Variants in KATNIP observed in about 807,000 individuals in gnomAD.
The protein encoded by KATNIP is katanin-interacting protein.
A neutral mutation model predicts 174.0 loss-of-function variants in KATNIP; 126 were observed. The ratio of observed to expected loss-of-function variants is 0.72; its 90% CI spans 0.63 to 0.84. KATNIP has a LOEUF of 0.84. KATNIP is among the 40% of genes least tolerant of loss of function. KATNIP has a pLI of 0.00. For missense variants in KATNIP, 1,958 were observed against 2,109.7 expected (o/e 0.93, Z 1.41); for synonymous variants, 810 against 835.7 (o/e 0.97, Z 0.53).
At chr16:27,755,244 C>G (rs2081674005) in intron 18 of KATNIP, 1 of 152,376 alleles carries the variant, frequency 6.6e-6, no homozygotes, top group Admixed American at 6.5e-5. Context: ...GGTGTCAGCC[C>G]TTCCGGGACC....
rs761854517 is a variant in KATNIP, at chr16:27,750,120, C to T, written c.3160C>T (p.Arg1054Trp). 20 of 1,614,016 alleles carry T rather than the reference C, an allele frequency of 1.2e-5. No homozygotes were observed. The East Asian group carries it at 3.8e-4, about 31-fold the overall frequency. ...GCATGTCTGGCTGGCCCCCTTCACG[C>T]GGGGCAGATCCCACTCCATCACCAT... Reference protein sequence around the residue: ...DMHVWLAPFTRGRSHSITIDF... With the variant: ...DMHVWLAPFTWGRSHSITIDF... The change falls in exon 16 of 28, where the codon CGG (arginine) becomes TGG (tryptophan). Residue 1054 changes from arginine to tryptophan, a missense_variant. This residue lies in a region of KATNIP where 1,557 missense variants were observed against 1,617.8 expected (regional missense o/e 0.96). Coordinates refer to ENST00000261588, the MANE Select transcript of KATNIP (RefSeq NM_015202.5).
intron 19 of KATNIP, 120 bp downstream of exon 19, chr16:27,761,710 C>G: frequency 1.1e-6 from 1 of 896,640 alleles, no homozygotes; most frequent in Non-Finnish European, 1.8e-6. Context: ...CCTGGCCACC[C>G]TGTGAGGTAA....
chr16:27,631,428 C>T (rs140382985), intron 5 of KATNIP, among the ~76,000 whole-genome samples: 205 of 152,082 alleles, frequency 1.3e-3, no homozygotes, highest in African/African-American at 4.4e-3. Flanking sequence ...ACCTCTAGTC[C>T]CAGCTACTCA....
chr16:27,751,591 A>T, intron 16 of KATNIP, 128 bp from the exon 17 acceptor site: 1 of 785,014 alleles, frequency 1.3e-6, no homozygotes, highest in Non-Finnish European at 2.1e-6. Context: ...AATAAGGCTC[A>T]CACTAATCAA....
At chr16:27,675,392 C>A (rs2078077500) in intron 6 of KATNIP, among the ~76,000 whole-genome samples, 2 of 152,160 alleles carry the variant, frequency 1.3e-5, no homozygotes, top group Admixed American at 6.5e-5. Flanking sequence ...ACAGTTCAAG[C>A]TGAGATTTGG....
In KATNIP at chr16:27,740,298, G is replaced by A. The variant is rs200305561; in HGVS notation, c.2001G>A (p.Ala667=). 1.1e-5 allele frequency: 18 copies of A among 1,614,244 alleles called. No homozygotes were observed. The highest frequency in any genetic ancestry group is 5.3e-5 in the African/African-American group (4 of 75,076). ...GCTCACCGCCAGCTGAAACATTAGC[G>A]GATGCAAAGCTTTCTTCACAAGGAA... ...LGCSPPAETL[A]DAKLSSQGNV... is the part of the protein sequence containing the mutation. Residue 667 remains alanine (A), a synonymous_variant, in exon 15 of 28, where the codon GCG becomes GCA. Coordinates refer to ENST00000261588, the MANE Select transcript of KATNIP (RefSeq NM_015202.5).
At position 27,762,704 on chromosome 16, in the gene KATNIP, A is replaced by G. The variant is rs145987834; in HGVS notation, c.3809+1114A>G. The stretch of plus-strand genomic sequence containing the variant: ...GTGGCAGGCTTCTCCCTGCTTTTCT[A>G]TAAGGTGGCCCTGAACCGTGGCCTC... On this transcript the variant is annotated intron_variant, in intron 19 of 27. Transcript: ENST00000261588. 1.5e-3 allele frequency among the ~76,000 whole-genome samples: 231 copies of G among 152,254 alleles called. 1 individual carries two copies. Among genetic ancestry groups the G allele is most frequent in the Admixed American group, 2.6e-3 (40 of 15,298 alleles).
In KATNIP at chr16:27,776,252, C is replaced by T. The variant is rs148178648; in HGVS notation, c.4450-676C>T. ...CTGGGGACCAGGGCCTGGGGCAGGA[C>T]TGAGCCTGCAGTCTGTGGCCAGTGT... On this transcript the variant is annotated intron_variant, in intron 24 of 27. Transcript: ENST00000261588. The surrounding 1 kb of genome is among the most constrained non-coding windows in gnomAD (Gnocchi z 4.7). Among the ~76,000 whole-genome samples the T allele has an allele frequency of 6.6e-6, 1 of 152,276 alleles. No homozygotes were observed. Among genetic ancestry groups the T allele is most frequent in the African/African-American group, 2.4e-5 (1 of 41,556 alleles).
intron 2 of KATNIP, among the ~76,000 whole-genome samples, chr16:27,575,803 C>T (rs575220410): frequency 2.0e-5 from 3 of 152,292 alleles, no homozygotes; most frequent in South Asian, 2.1e-4. Flanking sequence ...GAGGGCTGGA[C>T]GAAGCCTTAG....
At chr16:27,639,117 G>A (rs139613204) in intron 5 of KATNIP, among the ~76,000 whole-genome samples, 2 of 152,296 alleles carry the variant, frequency 1.3e-5, no homozygotes, top group African/African-American at 4.8e-5. Flanking sequence ...GACAGGAGGG[G>A]CTGCGTCAGG....
At chr16:27,734,461 G>A (rs1172926795) in intron 14 of KATNIP, among the ~76,000 whole-genome samples, 1 of 151,726 alleles carries the variant, frequency 6.6e-6, no homozygotes. Context: ...CACTTTGGGA[G>A]GGCGAGGTGG....
intron 5 of KATNIP, among the ~76,000 whole-genome samples, chr16:27,639,144 TC>T (rs2076724656): frequency 1.3e-5 from 2 of 152,182 alleles, no homozygotes; most frequent in African/African-American, 2.4e-5. Flanking sequence ...GGCCTCCAGA[TC>T]CCTTGACCAG....
chr16:27,724,454 C>T (rs191348044), intron 14 of KATNIP, among the ~76,000 whole-genome samples: 1 of 152,342 alleles, frequency 6.6e-6, no homozygotes, highest in Non-Finnish European at 1.5e-5. Flanking sequence ...CTTCTTTAAC[C>T]TATGCTCAGC....
intron 3 of KATNIP, among the ~76,000 whole-genome samples, chr16:27,622,537 G>A (rs1034341034): frequency 6.6e-6 from 1 of 152,292 alleles, no homozygotes; most frequent in African/African-American, 2.4e-5. Flanking sequence ...ATCTGAAGAG[G>A]TGACAGCAGA....
chr16:27,728,148 C>T lies in KATNIP; in HGVS notation c.1743+6453C>T, dbSNP rs113262159. ...GCAGGGTCTGGGCGCTGTGGGGGCC[C>T]GGGAAGTATGACGGGCATCTTAGCA... is the stretch of plus-strand genomic sequence containing the variant. On this transcript the variant is annotated intron_variant, in intron 14 of 27. Coordinates refer to ENST00000261588, the MANE Select transcript of KATNIP (RefSeq NM_015202.5). Among the ~76,000 whole-genome samples, 1,417 of 152,366 alleles carry T rather than the reference C, an allele frequency of 9.3e-3. 8 individuals carry two copies. The highest frequency in any genetic ancestry group is 0.014 in the Non-Finnish European group (937 of 68,034).
chr16:27,574,558 C>CTTTTTTTTTTTTTTTTTTTTTTTTTT (rs10708223), intron 2 of KATNIP, among the ~76,000 whole-genome samples: 1 of 53,486 alleles, frequency 1.9e-5, no homozygotes, highest in Non-Finnish European at 3.2e-5. Flanking sequence ...ACTTTCTATT[C>CTTTTTTTTTTTTTTTTTTTTTTTTTT]TTTTTTTTTT....
Position 27,628,970 on chromosome 16 carries a change from C to A in KATNIP, c.310+140C>A, listed in dbSNP as rs1286232751. 5 of 796,400 alleles carry A rather than the reference C, an allele frequency of 6.3e-6. No individual in the cohort carries two copies. In the African/African-American group the frequency reaches 8.7e-5, roughly 14 times the overall value. 49.3% of individuals were successfully genotyped at this position (796,400 alleles called of 1,614,324 possible). On this transcript the variant is annotated intron_variant, in intron 4 of 27. Transcript: ENST00000261588. ...ATCACTTGAGGCCAAGAGTTCCAGA[C>A]CAGCCTGGGCAACATGGTGAAACCC...
At chr16:27,771,706 G>A (rs2082311566) in intron 22 of KATNIP, 54 bp downstream of exon 22, 2 of 1,573,562 alleles carry the variant, frequency 1.3e-6, no homozygotes, top group Non-Finnish European at 1.7e-6. Flanking sequence ...GGCAGCGCCT[G>A]GGCCGCAACT....
In KATNIP at chr16:27,677,870, C is replaced by T. The variant is rs2142761485; in HGVS notation, c.682C>T (p.His228Tyr). The change falls in exon 7 of 28, where the codon CAT becomes TAT. Residue 228 changes from histidine to tyrosine, a missense_variant. Physicochemically the swap from His to Tyr is moderately conservative, Grantham distance 83 (BLOSUM62 2). This residue lies in a region of KATNIP where 1,557 missense variants were observed against 1,617.8 expected (regional missense o/e 0.96). Transcript: ENST00000261588. ...EDPALVGHPR[H>Y]DRPPSSGDWT... ...CCCGGCACTGGTGGGCCATCCCAGACATGACCGCCCTCCTTCCAGTGGCGA... is the reference window on the plus strand; with the variant it reads ...CCCGGCACTGGTGGGCCATCCCAGATATGACCGCCCTCCTTCCAGTGGCGA... The T allele has an allele frequency of 1.2e-6, 2 of 1,614,246 alleles. No individual in the cohort carries two copies. The highest frequency in any genetic ancestry group is 1.7e-6 in the Non-Finnish European group (2 of 1,180,046).
Sources: allele counts gnomAD v4.1 joint callset (sites outside exome capture counted in the v4.1 genomes callset), GRCh38; gene constraint gnomAD v4.1.1; regional missense constraint gnomAD v4.1.1; non-coding constraint Gnocchi (gnomAD v3.1); transcripts MANE v1.5; gene names NCBI Gene and HGNC (gene_info 2026-07-23, HGNC 2026-07-21).